The following PTPRS variants were observed in gnomAD, a reference collection of about 807,000 sequenced individuals.
PTPRS encodes receptor-type tyrosine-protein phosphatase S.
A neutral mutation model predicts 215.3 loss-of-function variants in PTPRS; 63 were observed. The observed-to-expected ratio is 0.29, with a 90% CI of 0.24 to 0.36. The LOEUF (loss-of-function observed/expected upper bound fraction) is 0.36, where lower values mean the gene tolerates loss of function less well. PTPRS is among the 10% of genes least tolerant of loss of function. PTPRS has a pLI of 1.00. For missense variants in PTPRS, 2,258 were observed against 2,825.8 expected (o/e 0.80, Z 4.56); for synonymous variants, 1,404 against 1,191.4 (o/e 1.18, Z -3.68).
intron 20 of PTPRS, among the ~76,000 whole-genome samples, chr19:5,220,616 T>C (rs1204801732): frequency 6.6e-6 from 1 of 152,204 alleles, no homozygotes; most frequent in Non-Finnish European, 1.5e-5. Context: ...AAGCTCCAGC[T>C]TCAATGCCCA....
At chr19:5,323,463 A>G (rs2050085434) in intron 1 of PTPRS, among the ~76,000 whole-genome samples, 1 of 152,246 alleles carries the variant, frequency 6.6e-6, no homozygotes, top group South Asian at 2.1e-4. Flanking sequence ...GGCAGGCTGC[A>G]AGTTTAAATA....
At chr19:5,329,626 G>T (rs1436072771) in intron 1 of PTPRS, among the ~76,000 whole-genome samples, 1 of 152,052 alleles carries the variant, frequency 6.6e-6, no homozygotes, top group African/African-American at 2.4e-5. Context: ...TTAGCCGGGT[G>T]TAATAGTGGG....
In PTPRS at chr19:5,237,077, G is replaced by C. The variant is rs147135889; in HGVS notation, c.1849+1842C>G. Among the ~76,000 whole-genome samples the C allele has an allele frequency of 1.2e-3, 179 of 152,314 alleles. No homozygotes were observed. Among genetic ancestry groups the C allele is most frequent in the African/African-American group, 4.2e-3 (175 of 41,572 alleles). ...GCTAACTTAAAAGACTTTCTTACGA[G>C]AGAGGGAACGGCCGAGCGCTGAGCT... On this transcript the variant is annotated intron_variant, in intron 13 of 37. Transcript: ENST00000262963. This position sits in a 1 kb window ranked among gnomAD's most constrained non-coding sequence, Gnocchi z 4.2.
At chr19:5,274,890 G>A (rs574239384) in intron 2 of PTPRS, among the ~76,000 whole-genome samples, 1 of 152,318 alleles carries the variant, frequency 6.6e-6, no homozygotes, top group African/African-American at 2.4e-5. Flanking sequence ...GTCAGAGCCA[G>A]TATTTGAACC....
At chr19:5,219,101 A>T in intron 23 of PTPRS, 1 of 702,714 alleles carries the variant, frequency 1.4e-6, no homozygotes, top group Non-Finnish European at 2.3e-6. Flanking sequence ...GGTTAAGAGG[A>T]GAAGCCAAGC....
intron 1 of PTPRS, among the ~76,000 whole-genome samples, chr19:5,301,316 TG>T (rs771363865): frequency 3.0e-5 from 4 of 134,968 alleles, no homozygotes; most frequent in African/African-American, 8.9e-5. Flanking sequence ...AAGTTGTTGC[TG>T]TTTTTTTTTT....
In PTPRS at chr19:5,329,964, C is replaced by A. The variant is rs541338843; in HGVS notation, c.-95+10700G>T. On this transcript the variant is annotated intron_variant, in intron 1 of 37. Transcript: ENST00000262963. ...GCATGGTGGCACATGCCTATAATCC[C>A]AGCTACCTGGAAGGCTGAGGCAGAA... is the stretch of plus-strand genomic sequence containing the variant. Among the ~76,000 whole-genome samples the A allele has an allele frequency of 6.6e-5, 10 of 151,262 alleles. No homozygotes were observed. The South Asian group carries it at 2.1e-3, about 32-fold the overall frequency.
chr19:5,318,800 G>A (rs954645914), intron 1 of PTPRS, among the ~76,000 whole-genome samples: 1 of 152,170 alleles, frequency 6.6e-6, no homozygotes, highest in African/African-American at 2.4e-5. Context: ...TTACAGGCAT[G>A]AGCCATTGGG....
chr19:5,328,054 T>C (rs910970008), intron 1 of PTPRS, among the ~76,000 whole-genome samples: 1 of 152,232 alleles, frequency 6.6e-6, no homozygotes, highest in African/African-American at 2.4e-5. Context: ...CTCAGACCCC[T>C]GGCTTGAAGC....
Position 5,257,322 on chromosome 19 carries a change from C to CA in PTPRS, c.706+694dup. On this transcript the variant is annotated intron_variant, in intron 8 of 37. Transcript: ENST00000262963. The surrounding 1 kb of genome is among the most constrained non-coding windows in gnomAD (Gnocchi z 4.4). ...AGTGGGAATTGGAAACTGAGAGTAACAAGCTTCGCTGGGTGCCGTGCCTGC... is the reference window on the plus strand; with the variant it reads ...AGTGGGAATTGGAAACTGAGAGTAACAAAGCTTCGCTGGGTGCCGTGCCTGC... 2.4e-6 allele frequency: 1 copy of CA among 423,692 alleles called. No homozygotes were observed. The highest frequency in any genetic ancestry group is 4.8e-6 in the Non-Finnish European group (1 of 206,386). 26.2% of individuals were successfully genotyped at this position (423,692 alleles called of 1,614,324 possible). A position where few individuals can be genotyped will look rare whatever the true frequency, so the allele number is the denominator to read the frequency against.
chr19:5,310,261 C>G (rs532027653), intron 1 of PTPRS, among the ~76,000 whole-genome samples: 1 of 151,972 alleles, frequency 6.6e-6, no homozygotes, highest in Admixed American at 6.6e-5. Context: ...TGTCTTGATT[C>G]TGTAGCTAAA....
Position 5,245,913 on chromosome 19 carries a change from T to C in PTPRS, c.851A>G (p.Asp284Gly), listed in dbSNP as rs1490884536. The change falls in exon 10 of 38, where the codon GAC becomes GGC. Residue 284 changes from aspartate (D) to glycine (G), a missense_variant. Transcript: ENST00000262963. ...PYVKWMQGAE[D>G]LTPEDDMPVG... ...GGGCATGTCATCCTCGGGGGTCAGG[T>C]CCTCGGCCCCCTGCATCCACTTCAC... The C allele has an allele frequency of 6.2e-7, 1 of 1,613,748 alleles. No individual in the cohort carries two copies. The highest frequency in any genetic ancestry group is 8.5e-7 in the Non-Finnish European group (1 of 1,179,952).
At chr19:5,211,860 A>T in intron 32 of PTPRS, 92 bp from the exon 33 acceptor site, 2 of 1,571,412 alleles carry the variant, frequency 1.3e-6, no homozygotes, top group Non-Finnish European at 1.7e-6. Flanking sequence ...AGGTAGGGGC[A>T]CCCTGCCACC....
chr19:5,306,324 T>C (rs1208250795), intron 1 of PTPRS, among the ~76,000 whole-genome samples: 1 of 152,060 alleles, frequency 6.6e-6, no homozygotes, highest in East Asian at 1.9e-4. Flanking sequence ...TTTGTATTTT[T>C]AGTAGAGACG....
At chr19:5,336,312 G>C (rs1456025799) in intron 1 of PTPRS, among the ~76,000 whole-genome samples, 1 of 151,148 alleles carries the variant, frequency 6.6e-6, no homozygotes, top group African/African-American at 2.4e-5. Context: ...TTGAACCTCA[G>C]GGTTAGAGAG....
Position 5,286,320 on chromosome 19 carries a change from G to T in PTPRS, c.-94-86C>A, listed in dbSNP as rs376965985. 40 of 657,734 alleles carry T rather than the reference G, an allele frequency of 6.1e-5. 1 individual carries two copies. The highest frequency in any genetic ancestry group is 4.5e-4 in the South Asian group (26 of 57,302). The allele number at this position is 657,734 out of a possible 1,614,324, so 40.7% of individuals were successfully genotyped here. A position where few individuals can be genotyped will look rare whatever the true frequency, so the allele number is the denominator to read the frequency against. ...GGAGGCAGAGGGAGGGTCACATGGAGCAGGGGAGGGTCCTGCGGGGGCTGG... is the reference window on the plus strand; with the variant it reads ...GGAGGCAGAGGGAGGGTCACATGGATCAGGGGAGGGTCCTGCGGGGGCTGG... On this transcript the variant is annotated intron_variant, in intron 1 of 37. Coordinates refer to ENST00000262963, the MANE Select transcript of PTPRS (RefSeq NM_002850.4).
chr19:5,336,371 C>A (rs1047224743), intron 1 of PTPRS, among the ~76,000 whole-genome samples: 6 of 151,908 alleles, frequency 3.9e-5, no homozygotes, highest in African/African-American at 1.5e-4. Context: ...CCACTCTCTG[C>A]GTGAGACAAC....
At position 5,229,644 on chromosome 19, in the gene PTPRS, G is replaced by T. The variant is rs1331877453; in HGVS notation, c.2196C>A (p.Leu732=). 2 of 1,328,690 alleles carry T rather than the reference G, an allele frequency of 1.5e-6. No individual in the cohort carries two copies. The highest frequency in any genetic ancestry group is 7.6e-5 in the Admixed American group (2 of 26,226). 82.3% of individuals were successfully genotyped at this position (1,328,690 alleles called of 1,614,324 possible). The change falls in exon 15 of 38, where the codon CTC becomes CTA. Residue 732 remains leucine (L), a synonymous_variant. Transcript: ENST00000262963. ...APPRKVEAEA[L]NATAIRVLWR... is the part of the protein sequence containing the mutation. ...ACAGCACGCGGATGGCCGTGGCGTT[G>T]AGCGCCTCCGCCTCCACCTTCCGCG...
rs768870984 is a variant in PTPRS, at chr19:5,212,232, T to G, written c.4788A>C (p.Thr1596=). ...TGGCGTCGATGACGATAAAGCAGCC[T>G]GTGCGGCCCACACCGGCACTGCAGG... The part of the protein sequence containing the change: ...VVHCSAGVGR[T]GCFIVIDAML... Residue 1596 remains threonine (T), a synonymous_variant, in exon 32 of 38, where the codon ACA becomes ACC. Transcript: ENST00000262963. 4 of 1,611,350 alleles carry G rather than the reference T, an allele frequency of 2.5e-6. No individual in the cohort carries two copies. In the South Asian group the frequency reaches 4.4e-5, roughly 18 times the overall value.
Sources: allele counts gnomAD v4.1 joint callset (sites outside exome capture counted in the v4.1 genomes callset), GRCh38; gene constraint gnomAD v4.1.1; non-coding constraint Gnocchi (gnomAD v3.1); transcripts MANE v1.5; gene names NCBI Gene and HGNC (gene_info 2026-07-23, HGNC 2026-07-21).